EIF3B: variants seen among roughly 807,000 people sequenced by gnomAD.
EIF3B encodes the protein eukaryotic translation initiation factor 3 subunit 9.
In EIF3B, 10 loss-of-function variants were observed where a neutral mutation model predicts 104.6. The observed-to-expected ratio is 0.10, with a 90% confidence interval of 0.06 to 0.16. EIF3B has a LOEUF of 0.16. Among genes scored for constraint, EIF3B ranks in the 10% least tolerant of loss-of-function variants. The probability of loss-of-function intolerance (pLI) is 1.00; values close to 1 mark genes in which losing one functional copy is unlikely to be tolerated. For missense variants in EIF3B, 1,014 were observed against 1,087.9 expected, an observed-to-expected ratio of 0.93 and a Z score of 0.96; for synonymous variants, 542 against 417.2, an observed-to-expected ratio of 1.30 and a Z score of -3.65.
In EIF3B at chr7:2,374,625, A is replaced by T; in HGVS notation, c.1889+19A>T. ...TGAGGAGGTAGGTGTCTGCGCTCTG[A>T]GCCTGTCCGCCCTGTGAGTAGCGCT... On this transcript the variant is annotated intron_variant, in intron 13 of 18. Coordinates refer to ENST00000360876, the MANE Select transcript of EIF3B (RefSeq NM_001037283.2). The T allele has an allele frequency of 6.2e-7, 1 of 1,611,836 alleles. No homozygotes were observed. Among genetic ancestry groups the T allele is most frequent in the Non-Finnish European group, 8.5e-7 (1 of 1,178,186 alleles).
chr7:2,375,602 G>A (rs1780586907), intron 14 of EIF3B, 75 bp downstream of exon 14: 2 of 1,597,996 alleles, frequency 1.3e-6, no homozygotes, highest in African/African-American at 1.3e-5. Flanking sequence ...CTCTGGTGCT[G>A]TCCTGGGACC....
intron 10 of EIF3B, among the ~76,000 whole-genome samples, chr7:2,370,895 C>T (rs914752414): frequency 3.3e-5 from 5 of 152,124 alleles, no homozygotes; most frequent in African/African-American, 1.2e-4. Flanking sequence ...AACCCCGTCT[C>T]TACTAAAAAT....
intron 1 of EIF3B, among the ~76,000 whole-genome samples, chr7:2,359,492 G>A (rs990580654): frequency 6.6e-6 from 1 of 152,230 alleles, no homozygotes; most frequent in Non-Finnish European, 1.5e-5. Context: ...TCTGCAGGGT[G>A]GTGGCCTGGA....
chr7:2,362,811 G>T, intron 3 of EIF3B, 47 bp downstream of exon 3: 1 of 1,611,874 alleles, frequency 6.2e-7, no homozygotes, highest in South Asian at 1.1e-5. Context: ...ACGTGCAAGT[G>T]ACTGGCTGTG....
intron 10 of EIF3B, among the ~76,000 whole-genome samples, chr7:2,370,770 A>C (rs1554274857): frequency 6.6e-6 from 1 of 151,750 alleles, no homozygotes; most frequent in African/African-American, 2.4e-5. Flanking sequence ...ATCTCCACAG[A>C]TAATTTTTAA....
intron 15 of EIF3B, chr7:2,378,313 CGTTCCTGGG>C (rs1379616160): frequency 1.0e-4 from 26 of 252,258 alleles, no homozygotes; most frequent in Non-Finnish European, 1.6e-4. Flanking sequence ...AACAGGCGAG[CGTTCCTGGG>C]ATGCTGTGTT....
chr7:2,355,000 G>A lies in EIF3B; in HGVS notation c.79G>A (p.Glu27Lys), dbSNP rs1779313057. The A allele has an allele frequency of 2.5e-6, 3 of 1,179,554 alleles. No individual in the cohort carries two copies. Among genetic ancestry groups the A allele is most frequent in the Non-Finnish European group, 3.1e-6 (3 of 958,214 alleles). The allele number at this position is 1,179,554 out of a possible 1,614,324, so 73.1% of individuals were successfully genotyped here. A position where few individuals can be genotyped will look rare whatever the true frequency, so the allele number is the denominator to read the frequency against. Reference sequence around the variant, plus strand: ...GCCCGGCCAGCAGCAGCCGGCCGCCGAGCCGCCGCCAGCCGAGGGGCTGCT... The same window carrying A: ...GCCCGGCCAGCAGCAGCCGGCCGCCAAGCCGCCGCCAGCCGAGGGGCTGCT... Reference protein sequence around the residue: ...AEPGQQQPAAEPPPAEGLLRP... With the variant: ...AEPGQQQPAAKPPPAEGLLRP... The change falls in exon 1 of 19, where the codon GAG becomes AAG. Residue 27 changes from glutamate (E) to lysine (K), a missense_variant. By Grantham distance (56) the Glu-to-Lys change is moderately conservative. Transcript: ENST00000360876.
rs1368541291 is a variant in EIF3B at position 2,369,493 on chromosome 7, T to C, written c.1425T>C (p.Gly475=). 9 of 1,614,246 alleles carry C rather than the reference T, an allele frequency of 5.6e-6. No individual in the cohort carries two copies. The highest frequency in any genetic ancestry group is 6.8e-6 in the Non-Finnish European group (8 of 1,180,044). ...SGIKDFSWSP[G]GNIIAFWVPE... ...GCAGAGACTTTTCTTGGTCTCCTGGTGGTAACATAATCGCCTTCTGGGTGC... is the reference window on the plus strand; with the variant it reads ...GCAGAGACTTTTCTTGGTCTCCTGGCGGTAACATAATCGCCTTCTGGGTGC... Residue 475 remains glycine (G), a synonymous_variant, in exon 10 of 19, where the codon GGT becomes GGC. Transcript: ENST00000360876.
chr7:2,359,380 G>A (rs150220900), intron 1 of EIF3B, among the ~76,000 whole-genome samples: 16 of 152,110 alleles, frequency 1.1e-4, no homozygotes, highest in South Asian at 4.2e-4. Context: ...GTTGATCACC[G>A]GTGCTCAGTG....
At chr7:2,372,883 T>G (rs1482398527) in intron 12 of EIF3B, 88 bp downstream of exon 12, 58 of 1,463,536 alleles carry the variant, frequency 4.0e-5, no homozygotes, top group Non-Finnish European at 4.6e-5. Flanking sequence ...TTGACTGGCC[T>G]AGGACCACTG....
intron 17 of EIF3B, 62 bp from the exon 18 acceptor site, chr7:2,379,332 G>A (rs983008569): frequency 6.4e-7 from 1 of 1,550,956 alleles, no homozygotes; most frequent in Non-Finnish European, 8.8e-7. Context: ...CCTTCCCACT[G>A]GCCTCGGCGG....
intron 18 of EIF3B, 97 bp downstream of exon 18, chr7:2,379,608 G>A: frequency 3.9e-6 from 3 of 772,114 alleles, no homozygotes; most frequent in Non-Finnish European, 4.3e-6. Flanking sequence ...TAAGGCAGGG[G>A]TGAAGGGTGA....
At chr7:2,358,101 C>T (rs1779548465) in intron 1 of EIF3B, among the ~76,000 whole-genome samples, 1 of 147,008 alleles carries the variant, frequency 6.8e-6, no homozygotes, top group African/African-American at 2.5e-5. Context: ...TCAATATTTC[C>T]TTTTTTTTTT....
chr7:2,378,436 G>A lies in EIF3B; in HGVS notation c.2155-253G>A, dbSNP rs568542981. 62 of 361,414 alleles carry A rather than the reference G, an allele frequency of 1.7e-4. 2 individuals carry two copies. The highest frequency in any genetic ancestry group is 3.2e-4 in the East Asian group (5 of 15,568). The allele number at this position is 361,414 out of a possible 1,614,324, so 22.4% of individuals were successfully genotyped here. ...GTGTCATGGAGGAAGGAGCAGGCGC[G>A]AGCGCTCCTGGGAAGCTGTGTTGTG... On this transcript the variant is annotated intron_variant, in intron 15 of 18. Transcript: ENST00000360876.
At chr7:2,374,700 G>A in intron 13 of EIF3B, 94 bp downstream of exon 13, 1 of 1,200,028 alleles carries the variant, frequency 8.3e-7, no homozygotes, top group Admixed American at 2.0e-5. Context: ...TCTTGGTAGA[G>A]AGAGTATTGT....
intron 4 of EIF3B, 136 bp downstream of exon 4, chr7:2,363,263 G>C (rs898370428): frequency 1.2e-6 from 1 of 861,782 alleles, no homozygotes; most frequent in African/African-American, 1.7e-5. Context: ...GACCAGCCTG[G>C]GCAACAAAGT....
intron 15 of EIF3B, chr7:2,378,211 T>A (rs1226380244): frequency 1.4e-5 from 2 of 144,900 alleles, no homozygotes; most frequent in Non-Finnish European, 2.9e-5. Context: ...AGCCGTGTTG[T>A]GTGAATGACC....
intron 1 of EIF3B, among the ~76,000 whole-genome samples, chr7:2,358,712 T>G (rs1779583969): frequency 1.3e-5 from 2 of 150,742 alleles, no homozygotes; most frequent in Admixed American, 6.6e-5. Flanking sequence ...GTATTTTTAT[T>G]AGGGACAGGT....
rs566978790 is a variant in EIF3B, at chr7:2,378,960, G to T, written c.2233-174G>T. 4.0e-6 allele frequency: 3 copies of T among 741,962 alleles called. No individual in the cohort carries two copies. The South Asian group carries it at 5.4e-5, about 13-fold the overall frequency. The allele number at this position is 741,962 out of a possible 1,614,324, so 46.0% of individuals were successfully genotyped here. On this transcript the variant is annotated intron_variant, in intron 16 of 18. Transcript: ENST00000360876. ...ACTTGGAGTTGGTGACCTCACTGCT[G>T]CCTTGTGGGTGGGGGGCAGCGTTGG...
Sources: gnomAD v4.1 joint callset for allele counts (sites outside exome capture counted in the v4.1 genomes callset) on GRCh38, gnomAD v4.1.1 for gene constraint, MANE v1.5 for transcripts, NCBI Gene and HGNC (gene_info 2026-07-23, HGNC 2026-07-21) for gene names.